The following RAB21 variants were observed in gnomAD, a reference collection of about 807,000 sequenced individuals.
The protein encoded by RAB21 is ras-related protein Rab-21.
In RAB21, 13 loss-of-function variants were observed where a neutral mutation model predicts 33.1. The ratio of observed to expected loss-of-function variants is 0.39; its 90% CI spans 0.26 to 0.62. The LOEUF (loss-of-function observed/expected upper bound fraction) is 0.62, where lower values mean the gene tolerates loss of function less well. Ranked by LOEUF, RAB21 falls within the 20% of genes least tolerant of loss-of-function variation. The pLI is 0.48. For missense variants in RAB21, 234 were observed against 279.1 expected (o/e 0.84, Z 1.15); for synonymous variants, 91 against 103.7 (o/e 0.88, Z 0.74).
intron 4 of RAB21, chr12:71,774,291 C>CAAAAAAA (rs143403147): frequency 3.6e-5 from 1 of 27,642 alleles, no homozygotes; most frequent in Non-Finnish European, 6.1e-5. Flanking sequence ...TCTAAAAATA[C>CAAAAAAA]AAAAAAAAAA....
At chr12:71,760,884 CCTAACAGTTTGGCAAATGAGGAAA>C (rs1882862842) in intron 1 of RAB21, among the ~76,000 whole-genome samples, 1 of 151,998 alleles carries the variant, frequency 6.6e-6, no homozygotes, top group African/African-American at 2.4e-5. Context: ...CAGGTAGTAT[CCTAACAGTTTGGCAAATGAGGAAA>C]CTAAGACTTG....
In RAB21 at chr12:71,798,195, C is replaced by T. The variant is rs1883490089; in HGVS notation, c.*12522C>T. The T allele has an allele frequency of 1.3e-5, 2 of 152,140 alleles. No individual in the cohort carries two copies. The highest frequency in any genetic ancestry group is 1.3e-4 in the Admixed American group (2 of 15,282). 9.4% of individuals were successfully genotyped at this position (152,140 alleles called of 1,614,324 possible). ...GCCTCCCAGGTTCAAGCAATTATTC[C>T]TACCTTAGCCTCCCAAGTAGCTGGG... On this transcript the variant is annotated 3_prime_UTR_variant, in exon 7 of 7. Coordinates refer to ENST00000261263, the MANE Select transcript of RAB21 (RefSeq NM_014999.4).
chr12:71,780,715 T>G (rs190327630), intron 4 of RAB21, among the ~76,000 whole-genome samples: 13 of 152,232 alleles, frequency 8.5e-5, no homozygotes, highest in African/African-American at 3.1e-4. Context: ...GTCCTCAGTA[T>G]ATAGAACCTT....
chr12:71,776,109 A>G (rs1883115993), intron 4 of RAB21, among the ~76,000 whole-genome samples: 1 of 152,132 alleles, frequency 6.6e-6, no homozygotes. Context: ...CTAGGAGTGG[A>G]AGTGGCCACA....
intron 5 of RAB21, 197 bp downstream of exon 5, chr12:71,782,282 A>T: frequency 3.5e-6 from 2 of 576,046 alleles, no homozygotes; most frequent in East Asian, 5.8e-5. Context: ...CTTCAGTGAA[A>T]AATACGAGTG....
chr12:71,767,123 ATTT>A (rs1455447974), intron 1 of RAB21, among the ~76,000 whole-genome samples: 1 of 152,068 alleles, frequency 6.6e-6, no homozygotes, highest in African/African-American at 2.4e-5. Context: ...ATTTTTGTGA[ATTT>A]TTAACTACTT....
chr12:71,763,662 A>C (rs181838613), intron 1 of RAB21, among the ~76,000 whole-genome samples: 81 of 152,312 alleles, frequency 5.3e-4, no homozygotes, highest in African/African-American at 1.8e-3. Flanking sequence ...TGAGATTAGA[A>C]GATGTACTGG....
chr12:71,755,149 G>A lies in RAB21; in HGVS notation c.20G>A (p.Gly7Asp). 7.8e-7 allele frequency: 1 copy of A among 1,290,116 alleles called. No individual in the cohort carries two copies. The highest frequency in any genetic ancestry group is 9.8e-7 in the Non-Finnish European group (1 of 1,018,884). 79.9% of individuals were successfully genotyped at this position (1,290,116 alleles called of 1,614,324 possible). A position where few individuals can be genotyped will look rare whatever the true frequency, so the allele number is the denominator to read the frequency against. Residue 7 changes from glycine to aspartate, a missense_variant, in exon 1 of 7, where the codon GGC (glycine) becomes GAC (aspartate). By Grantham distance (94) the Gly-to-Asp change is moderately conservative (BLOSUM62 -1). Transcript: ENST00000261263. MAAAGG[G>D]GGGAAAAGRA... is the part of the protein sequence containing the mutation. ...GACGGGATGGCTGCGGCCGGCGGCG[G>A]CGGCGGCGGGGCGGCGGCGGCGGGC...
intron 4 of RAB21, among the ~76,000 whole-genome samples, chr12:71,776,977 A>G (rs1262098190): frequency 6.6e-6 from 1 of 152,152 alleles, no homozygotes; most frequent in Admixed American, 6.5e-5. Context: ...TTGGAGAACA[A>G]CTTATTTTTT....
chr12:71,763,045 T>G (rs1016054535), intron 1 of RAB21, among the ~76,000 whole-genome samples: 1 of 151,566 alleles, frequency 6.6e-6, no homozygotes, highest in Non-Finnish European at 1.5e-5. Context: ...TGTACATTAT[T>G]TAAATACTTA....
At chr12:71,773,895 G>T in intron 3 of RAB21, 64 bp from the exon 4 acceptor site, 1 of 1,128,750 alleles carries the variant, frequency 8.9e-7, no homozygotes, top group Non-Finnish European at 1.3e-6. Flanking sequence ...TGAGTTTTTT[G>T]GGTGTTGTGA....
Position 71,787,273 on chromosome 12 carries a change from A to G in RAB21, c.*1600A>G, listed in dbSNP as rs11556210. The G allele has an allele frequency of 1.4e-4, 21 of 152,192 alleles. No homozygotes were observed. Among genetic ancestry groups the G allele is most frequent in the Non-Finnish European group, 2.6e-4 (18 of 68,034 alleles). 9.4% of individuals were successfully genotyped at this position (152,192 alleles called of 1,614,324 possible). On this transcript the variant is annotated 3_prime_UTR_variant, in exon 7 of 7. Transcript: ENST00000261263. ...CTCATTAGATTTTTTTTTCTTAAGC[A>G]TAAGACTGAACTTAAATGTGTTAAT...
intron 4 of RAB21, among the ~76,000 whole-genome samples, chr12:71,780,373 T>C (rs328756): frequency 0.035 from 5,269 of 152,298 alleles, 301 homozygotes; most frequent in African/African-American, 0.12. Flanking sequence ...TGAGGCAGAA[T>C]CTTTTTCCTG....
chr12:71,799,691 T>A lies in RAB21; in HGVS notation c.*14018T>A, dbSNP rs927385679. On this transcript the variant is annotated 3_prime_UTR_variant, in exon 7 of 7. Transcript: ENST00000261263. ...ACCATCAACAGGAATATTAAGTTTT[T>A]AAAAAAAGCCAGGGCAGAACAGTCT... 1 of 152,098 alleles carries A rather than the reference T, an allele frequency of 6.6e-6. No homozygotes were observed. Among genetic ancestry groups the A allele is most frequent in the African/African-American group, 2.4e-5 (1 of 41,416 alleles). 9.4% of individuals were successfully genotyped at this position (152,098 alleles called of 1,614,324 possible).
At chr12:71,775,433 A>G (rs1883105394) in intron 4 of RAB21, among the ~76,000 whole-genome samples, 1 of 152,226 alleles carries the variant, frequency 6.6e-6, no homozygotes, top group African/African-American at 2.4e-5. Context: ...TAAAAGCAAT[A>G]TGGGAGAAGC....
intron 1 of RAB21, among the ~76,000 whole-genome samples, chr12:71,759,011 T>C (rs1381883119): frequency 6.6e-6 from 1 of 152,232 alleles, no homozygotes; most frequent in African/African-American, 2.4e-5. Flanking sequence ...GAATTTGCTG[T>C]CAACTGAAAC....
intron 1 of RAB21, among the ~76,000 whole-genome samples, chr12:71,762,285 A>AGGTTTTGTTT (rs1555187740): frequency 6.8e-6 from 1 of 146,116 alleles, no homozygotes; most frequent in African/African-American, 2.5e-5. Context: ...CACCTAGCTT[A>AGGTTTTGTTT]GGTTTTGTTT....
chr12:71,780,499 A>G (rs1468502185), intron 4 of RAB21, among the ~76,000 whole-genome samples: 1 of 152,196 alleles, frequency 6.6e-6, no homozygotes, highest in African/African-American at 2.4e-5. Context: ...TAAAATTTCC[A>G]ATGACAAATA....
At chr12:71,781,466 CAAAAA>C (rs35453463) in intron 4 of RAB21, among the ~76,000 whole-genome samples, 1 of 110,492 alleles carries the variant, frequency 9.1e-6, no homozygotes, top group African/African-American at 3.4e-5. Context: ...GAGACTCCGT[CAAAAA>C]AAAAAAAAAA....
Sources: gnomAD v4.1 joint callset for allele counts (sites outside exome capture counted in the v4.1 genomes callset) on GRCh38, gnomAD v4.1.1 for gene constraint, MANE v1.5 for transcripts, NCBI Gene and HGNC (gene_info 2026-07-23, HGNC 2026-07-21) for gene names.